PNPT1: variants seen among roughly 807,000 people sequenced by gnomAD.
PNPT1 encodes the protein polyribonucleotide nucleotidyltransferase 1, mitochondrial.
PNPT1 carries 53 observed loss-of-function variants against 119.5 expected under a neutral mutation model. That is an observed-to-expected ratio of 0.44 (90% CI 0.36 to 0.56). PNPT1 has a LOEUF of 0.56. Among genes scored for constraint, PNPT1 ranks in the 20% least tolerant of loss-of-function variants. PNPT1 has a pLI of 0.00. For missense variants in PNPT1, 948 were observed against 938.5 expected (o/e 1.01, Z -0.13); for synonymous variants, 357 against 322.1 (o/e 1.11, Z -1.16).
At chr2:55,648,621 T>C (rs1696078340) in intron 18 of PNPT1, among the ~76,000 whole-genome samples, 1 of 152,224 alleles carries the variant, frequency 6.6e-6, no homozygotes, top group Non-Finnish European at 1.5e-5. Flanking sequence ...ATGTCTTATT[T>C]TGAGAACTCC....
At chr2:55,686,540 G>T in intron 2 of PNPT1, 96 bp from the exon 3 acceptor site, 1 of 825,674 alleles carries the variant, frequency 1.2e-6, no homozygotes, top group Non-Finnish European at 1.9e-6. Flanking sequence ...TTAAACTCAA[G>T]AAAAGATATC....
chr2:55,661,082 A>G (rs1696555197), intron 14 of PNPT1, among the ~76,000 whole-genome samples: 1 of 149,234 alleles, frequency 6.7e-6, no homozygotes, highest in Non-Finnish European at 1.5e-5. Context: ...GAGGACTGCA[A>G]TAGAGATTCT....
chr2:55,678,870 G>A (rs1366602514), intron 8 of PNPT1, among the ~76,000 whole-genome samples: 1 of 152,202 alleles, frequency 6.6e-6, no homozygotes, highest in Non-Finnish European at 1.5e-5. Context: ...AGCTGGAAAT[G>A]AGATGTTTCA....
chr2:55,638,235 G>A (rs2104014543), intron 26 of PNPT1, among the ~76,000 whole-genome samples: 1 of 151,286 alleles, frequency 6.6e-6, no homozygotes, highest in South Asian at 2.1e-4. Flanking sequence ...CTGGGAGGCA[G>A]AGGTTGCAGT....
chr2:55,685,902 C>T (rs369731372), intron 3 of PNPT1, among the ~76,000 whole-genome samples: 26 of 152,266 alleles, frequency 1.7e-4, no homozygotes, highest in African/African-American at 6.3e-4. Context: ...GTAAATTCTA[C>T]ATAAATAGTT....
rs202190573 is a variant in PNPT1, at chr2:55,646,470, T to C, written c.1619A>G (p.Asn540Ser). Residue 540 changes from asparagine (N) to serine (S), a missense_variant, in exon 20 of 28, where the codon AAT becomes AGT. Physicochemically the swap from Asn to Ser is conservative, Grantham distance 46. Transcript: ENST00000447944. ...AGCTATTTTGAAGTCCATGTCACCA[T>C]TGTAATCTTCAATTCCCTTCAGGAA... ...LTDILGIEDY[N>S]GDMDFKIAGT... 189 of 1,611,614 alleles carry C rather than the reference T, an allele frequency of 1.2e-4. No homozygotes were observed. The highest frequency in any genetic ancestry group is 6.3e-4 in the South Asian group (57 of 90,176).
intron 5 of PNPT1, among the ~76,000 whole-genome samples, chr2:55,683,037 T>C (rs1161111353): frequency 6.6e-6 from 1 of 152,234 alleles, no homozygotes; most frequent in Non-Finnish European, 1.5e-5. Flanking sequence ...GTCATTATCC[T>C]GAAAGAAAGT....
chr2:55,671,384 A>C lies in PNPT1; in HGVS notation c.919-8T>G. On this transcript the variant is annotated splice_polypyrimidine_tract_variant and splice_region_variant and intron_variant, in intron 10 of 27. Transcript: ENST00000447944. ...AGCTTCATCTCTGGAAACCTAAAAG[A>C]AAGTTGAGGTTCAGTTATTACATAT... 6.6e-7 allele frequency: 1 copy of C among 1,519,066 alleles called. No homozygotes were observed. The allele number at this position is 1,519,066 out of a possible 1,614,324, so 94.1% of individuals were successfully genotyped here. A position where few individuals can be genotyped will look rare whatever the true frequency, so the allele number is the denominator to read the frequency against.
chr2:55,688,759 AC>A (rs1440250370), intron 1 of PNPT1, among the ~76,000 whole-genome samples: 14 of 151,042 alleles, frequency 9.3e-5, no homozygotes, highest in Admixed American at 3.9e-4. Flanking sequence ...AACAACAACA[AC>A]AACAACAAAA....
intron 15 of PNPT1, among the ~76,000 whole-genome samples, chr2:55,657,440 G>A (rs564029930): frequency 4.0e-5 from 6 of 150,322 alleles, no homozygotes; most frequent in South Asian, 2.1e-4. Context: ...CCAGGCTGGC[G>A]TGCAATGGTG....
At position 55,683,853 on chromosome 2, in the gene PNPT1, A is replaced by G. The variant is rs771569981; in HGVS notation, c.404-19T>C. The G allele has an allele frequency of 6.8e-6, 11 of 1,612,248 alleles. No homozygotes were observed. The Admixed American group carries it at 1.8e-4, about 27-fold the overall frequency. On this transcript the variant is annotated intron_variant, in intron 4 of 27. Coordinates refer to ENST00000447944, the MANE Select transcript of PNPT1 (RefSeq NM_033109.5). ...GAACGATCTGCCAAAAGAAAAAAAA[A>G]CACATTAAACCGTACTGACAGAGTT...
chr2:55,684,842 T>C (rs1469110130), intron 4 of PNPT1, 101 bp downstream of exon 4: 3 of 1,318,442 alleles, frequency 2.3e-6, no homozygotes, highest in African/African-American at 3.0e-5. Context: ...GTTAATGCTA[T>C]GAAGGAAAAC....
chr2:55,639,251 ACTT>A (rs903587301), intron 26 of PNPT1, among the ~76,000 whole-genome samples: 5 of 152,180 alleles, frequency 3.3e-5, no homozygotes, highest in Non-Finnish European at 1.5e-5. Context: ...CATTCTTTCA[ACTT>A]CTTTGTACAT....
At chr2:55,656,070 TTAA>T (rs1696375933) in intron 17 of PNPT1, 58 bp downstream of exon 17, 3 of 1,547,194 alleles carry the variant, frequency 1.9e-6, no homozygotes, top group Non-Finnish European at 2.6e-6. Flanking sequence ...ATTTGAAAAC[TTAA>T]TAATAGAATA....
chr2:55,644,912 T>G, intron 22 of PNPT1, 192 bp from the exon 23 acceptor site: 1 of 439,318 alleles, frequency 2.3e-6, no homozygotes, highest in Non-Finnish European at 4.0e-6. Flanking sequence ...TTAAAGCATT[T>G]TAACTACAAA....
Position 55,643,446 on chromosome 2 carries a change from CATATT to C in PNPT1, c.1907-26_1907-22del, listed in dbSNP as rs1179804726. The C allele has an allele frequency of 1.9e-6, 3 of 1,604,428 alleles. No individual in the cohort carries two copies. The African/African-American group carries it at 4.0e-5, about 21-fold the overall frequency. On this transcript the variant is annotated intron_variant, in intron 23 of 27. Coordinates refer to ENST00000447944, the MANE Select transcript of PNPT1 (RefSeq NM_033109.5). ...TACACCTTTTAAAAACAAAATGTAA[CATATT>C]AAAGTTAACTTGGCTGGGCATAGTG...
intron 11 of PNPT1, among the ~76,000 whole-genome samples, chr2:55,669,933 AT>A (rs1471042441): frequency 6.6e-6 from 1 of 151,046 alleles, no homozygotes; most frequent in African/African-American, 2.4e-5. Flanking sequence ...TAATTTTTGT[AT>A]TTTTGGTAGA....
intron 23 of PNPT1, 70 bp from the exon 24 acceptor site, chr2:55,643,495 A>G (rs548573041): frequency 7.4e-7 from 1 of 1,351,824 alleles, no homozygotes; most frequent in East Asian, 2.3e-5. Flanking sequence ...CTGTAATCCC[A>G]GCACTCTGGG....
chr2:55,676,044 T>C (rs1304443694), intron 8 of PNPT1, among the ~76,000 whole-genome samples: 4 of 152,154 alleles, frequency 2.6e-5, no homozygotes. Context: ...GTGGATCACC[T>C]GAGTTCAGGA....
Sources: gnomAD v4.1 joint callset for allele counts (sites outside exome capture counted in the v4.1 genomes callset) on GRCh38, gnomAD v4.1.1 for gene constraint, MANE v1.5 for transcripts, NCBI Gene and HGNC (gene_info 2026-07-23, HGNC 2026-07-21) for gene names.